Variants in MYL10 observed in about 807,000 individuals in gnomAD.
The protein encoded by MYL10 is myosin regulatory light chain 10.
A neutral mutation model predicts 21.9 loss-of-function variants in MYL10; 18 were observed. The observed-to-expected ratio is 0.82, with a 90% confidence interval of 0.57 to 1.22. The LOEUF (loss-of-function observed/expected upper bound fraction) is 1.22. Ranked by LOEUF, MYL10 falls within the 50% of genes most tolerant of loss-of-function variation. MYL10 has a pLI of 0.00. For missense variants in MYL10, 225 were observed against 230.4 expected (o/e 0.98, Z 0.15); for synonymous variants, 88 against 82.8 (o/e 1.06, Z -0.34).
intron 1 of MYL10, 102 bp from the exon 2 acceptor site, chr7:101,624,366 C>A: frequency 1.2e-6 from 1 of 823,528 alleles, no homozygotes; most frequent in Non-Finnish European, 2.0e-6. Flanking sequence ...AATGACACCG[C>A]TTTGCCCTTC....
At position 101,621,959 on chromosome 7, in the gene MYL10, G is replaced by A. The variant is rs545672980; in HGVS notation, c.454+137C>T. 99 of 632,530 alleles carry A rather than the reference G, an allele frequency of 1.6e-4. 1 individual carries two copies. The highest frequency in any genetic ancestry group is 1.2e-3 in the African/African-American group (65 of 53,430). The allele number at this position is 632,530 out of a possible 1,614,324, so 39.2% of individuals were successfully genotyped here. A position where few individuals can be genotyped will look rare whatever the true frequency, so the allele number is the denominator to read the frequency against. On this transcript the variant is annotated intron_variant, in intron 5 of 7. Transcript: ENST00000223167. ...ACCGAGGCAGGGCCCCTGAAGGTGC[G>A]TGCACCTGGGGGCTGGTGTCTGGGG...
At chr7:101,626,510 G>A (rs1796748178) in intron 1 of MYL10, among the ~76,000 whole-genome samples, 1 of 152,210 alleles carries the variant, frequency 6.6e-6, no homozygotes, top group Admixed American at 6.5e-5. Flanking sequence ...AATGAGGCAG[G>A]TGAGACACAG....
At chr7:101,628,891 C>T in intron 1 of MYL10, 150 bp downstream of exon 1, 1 of 347,886 alleles carries the variant, frequency 2.9e-6, no homozygotes, top group South Asian at 2.1e-5. Flanking sequence ...ATATACAACA[C>T]AGAAGGTCAG....
At chr7:101,625,622 C>T (rs1320193901) in intron 1 of MYL10, among the ~76,000 whole-genome samples, 5 of 152,028 alleles carry the variant, frequency 3.3e-5, no homozygotes, top group Admixed American at 6.6e-5. Flanking sequence ...GGGGCAGAAG[C>T]GCCGGCTGAC....
intron 6 of MYL10, among the ~76,000 whole-genome samples, chr7:101,615,053 C>G (rs1317352474): frequency 1.3e-5 from 2 of 152,176 alleles, no homozygotes; most frequent in African/African-American, 4.8e-5. Flanking sequence ...ATTCTTGGCT[C>G]TCTGTTCCCT....
chr7:101,614,050 C>A (rs577331545), intron 6 of MYL10, among the ~76,000 whole-genome samples: 2 of 152,094 alleles, frequency 1.3e-5, no homozygotes, highest in African/African-American at 2.4e-5. Flanking sequence ...CGCAGAGCCT[C>A]TTTTGCCTGA....
chr7:101,624,107 C>T, intron 2 of MYL10, 65 bp downstream of exon 2: 1 of 948,944 alleles, frequency 1.1e-6, no homozygotes, highest in South Asian at 1.3e-5. Context: ...CTCTGCCCAG[C>T]TCCTTGAGCA....
intron 6 of MYL10, 53 bp downstream of exon 6, chr7:101,616,167 C>A: frequency 6.5e-7 from 1 of 1,538,204 alleles, no homozygotes; most frequent in Non-Finnish European, 9.0e-7. Context: ...CTGACCCCAG[C>A]CCAAAGCTGG....
At chr7:101,616,162 C>G in intron 6 of MYL10, 58 bp downstream of exon 6, 4 of 1,502,196 alleles carry the variant, frequency 2.7e-6, no homozygotes, top group Non-Finnish European at 3.7e-6. Flanking sequence ...CCACCCTGAC[C>G]CCAGCCCAAA....
intron 5 of MYL10, among the ~76,000 whole-genome samples, chr7:101,616,976 T>C (rs1418304385): frequency 2.6e-5 from 4 of 152,206 alleles, no homozygotes; most frequent in Non-Finnish European, 5.9e-5. Context: ...ATTAATCTGA[T>C]ACCCACAATG....
chr7:101,615,373 C>G (rs1301147572), intron 6 of MYL10, among the ~76,000 whole-genome samples: 1 of 151,718 alleles, frequency 6.6e-6, no homozygotes, highest in Non-Finnish European at 1.5e-5. Flanking sequence ...CCATGGTGTC[C>G]TTGCCTAACT....
chr7:101,616,697 G>A (rs916393985), intron 5 of MYL10, among the ~76,000 whole-genome samples: 2 of 152,182 alleles, frequency 1.3e-5, no homozygotes, highest in African/African-American at 4.8e-5. Context: ...TCTGGGTGAG[G>A]GGGCATGACT....
chr7:101,616,746 C>T (rs1285139037), intron 5 of MYL10, among the ~76,000 whole-genome samples: 3 of 151,996 alleles, frequency 2.0e-5, no homozygotes, highest in Admixed American at 1.3e-4. Context: ...CACAAGAGGC[C>T]GTGGGTGGAG....
At position 101,614,802 on chromosome 7, in the gene MYL10, G is replaced by A. The variant is rs192135106; in HGVS notation, c.534-1092C>T. On this transcript the variant is annotated intron_variant, in intron 6 of 7. Coordinates refer to ENST00000223167, the MANE Select transcript of MYL10 (RefSeq NM_138403.5). ...CCCTCTCCACCTCCACCCCTGCTGC[G>A]TCTGCCCTCTCCCTTTGAGATGCGA... Among the ~76,000 whole-genome samples, 960 of 152,206 alleles carry A rather than the reference G, an allele frequency of 6.3e-3. 5 individuals carry two copies. Among genetic ancestry groups the A allele is most frequent in the Non-Finnish European group, 0.01 (680 of 67,998 alleles).
intron 5 of MYL10, among the ~76,000 whole-genome samples, chr7:101,620,570 T>C (rs192185632): frequency 2.0e-5 from 3 of 152,284 alleles, no homozygotes; most frequent in African/African-American, 7.2e-5. Flanking sequence ...AGAAAACTAT[T>C]ATAAGCCCAT....
At chr7:101,621,717 T>C (rs903596413) in intron 5 of MYL10, among the ~76,000 whole-genome samples, 2 of 152,208 alleles carry the variant, frequency 1.3e-5, no homozygotes, top group Admixed American at 1.3e-4. Context: ...GCCTCCAAAG[T>C]AGCTGGGACT....
At chr7:101,621,420 G>A (rs899720850) in intron 5 of MYL10, among the ~76,000 whole-genome samples, 2 of 151,960 alleles carry the variant, frequency 1.3e-5, no homozygotes, top group Non-Finnish European at 2.9e-5. Flanking sequence ...CACAGGGGTC[G>A]ACCACAGCAT....
rs141873317 is a variant in MYL10, at chr7:101,613,679, G to T, written c.565C>A (p.Arg189Ser). The T allele has an allele frequency of 6.0e-4, 971 of 1,614,118 alleles. 20 individuals carry two copies. In the South Asian group the frequency reaches 0.01, roughly 17 times the overall value. ...CAGTTTACCTCCTCCTCACTGAAGC[G>T]GTCTGCCTGGGTCATAAGTTTTTCT... ...IKEKLMTQAD[R>S]FSEEEVKQMF... Residue 189 changes from arginine to serine, a missense_variant, in exon 7 of 8, where the codon CGC (arginine) becomes AGC (serine). Physicochemically the swap from Arg to Ser is moderately radical, Grantham distance 110. Coordinates refer to ENST00000223167, the MANE Select transcript of MYL10 (RefSeq NM_138403.5).
chr7:101,618,191 G>A (rs2240392), intron 5 of MYL10, among the ~76,000 whole-genome samples: 54,823 of 152,204 alleles, frequency 0.36, 10,372 homozygotes, highest in East Asian at 0.66. Context: ...CTGCCTCTGG[G>A]CAGGGTGGCA....
Sources: gnomAD v4.1 joint callset for allele counts (sites outside exome capture counted in the v4.1 genomes callset) on GRCh38, gnomAD v4.1.1 for gene constraint, MANE v1.5 for transcripts, NCBI Gene and HGNC (gene_info 2026-07-23, HGNC 2026-07-21) for gene names.